The following KCNMA1 variants were observed in gnomAD, a reference collection of about 807,000 sequenced individuals.
KCNMA1 encodes the protein Calcium-activated potassium channel subunit alpha-1.
In KCNMA1, 29 loss-of-function variants were observed where a neutral mutation model predicts 140.0. That is an observed-to-expected ratio of 0.21 (90% CI 0.15 to 0.28). The LOEUF (loss-of-function observed/expected upper bound fraction) is 0.28, where lower values mean the gene tolerates loss of function less well. Among genes scored for constraint, KCNMA1 ranks in the 10% least tolerant of loss-of-function variants. KCNMA1 has a pLI of 1.00. For missense variants in KCNMA1, 880 were observed against 1,602.2 expected, an observed-to-expected ratio of 0.55 and a Z score of 7.70; for synonymous variants, 612 against 611.9, an observed-to-expected ratio of 1.00 and a Z score of 0.00.
intron 1 of KCNMA1, among the ~76,000 whole-genome samples, chr10:77,508,093 T>A (rs1267788494): frequency 6.6e-6 from 1 of 152,244 alleles, no homozygotes; most frequent in Admixed American, 6.5e-5. Context: ...TATGTATGCA[T>A]CTAAATGCAT....
chr10:77,521,253 T>C (rs2053290294), intron 1 of KCNMA1, among the ~76,000 whole-genome samples: 1 of 152,194 alleles, frequency 6.6e-6, no homozygotes, highest in South Asian at 2.1e-4. Context: ...CACCTTTGTG[T>C]CACCCTCATC....
At chr10:77,028,504 C>A (rs1056589269) in intron 15 of KCNMA1, among the ~76,000 whole-genome samples, 4 of 152,008 alleles carry the variant, frequency 2.6e-5, no homozygotes, top group African/African-American at 4.8e-5. Context: ...TTCCCTTGTG[C>A]GTTCCCCACT....
At chr10:77,100,585 G>A (rs374993044) in intron 9 of KCNMA1, among the ~76,000 whole-genome samples, 5 of 152,332 alleles carry the variant, frequency 3.3e-5, no homozygotes, top group South Asian at 4.1e-4. Flanking sequence ...GACTTGGCCA[G>A]TTAGAAAGTT....
intron 3 of KCNMA1, among the ~76,000 whole-genome samples, chr10:77,204,988 C>T (rs147568931): frequency 6.6e-6 from 1 of 152,144 alleles, no homozygotes; most frequent in African/African-American, 2.4e-5. Context: ...TCCAGCCCAT[C>T]ACGCTCCATG....
chr10:77,447,214 T>C (rs533670230), intron 1 of KCNMA1, among the ~76,000 whole-genome samples: 4 of 152,348 alleles, frequency 2.6e-5, no homozygotes, highest in African/African-American at 9.6e-5. Context: ...AGGGATCATC[T>C]CTGTTGGATA....
At chr10:76,953,383 C>A (rs1305739756) in intron 21 of KCNMA1, among the ~76,000 whole-genome samples, 1 of 152,198 alleles carries the variant, frequency 6.6e-6, no homozygotes, top group Non-Finnish European at 1.5e-5. Context: ...ATCTTCACTA[C>A]AGCCCTATGA....
At chr10:77,384,366 C>G (rs2095531283) in intron 2 of KCNMA1, among the ~76,000 whole-genome samples, 1 of 152,144 alleles carries the variant, frequency 6.6e-6, no homozygotes, top group Non-Finnish European at 1.5e-5. Context: ...GCCGTGGTTG[C>G]CATGGAAACC....
intron 25 of KCNMA1, among the ~76,000 whole-genome samples, chr10:76,894,573 A>G (rs1237804818): frequency 6.6e-6 from 1 of 152,236 alleles, no homozygotes; most frequent in Non-Finnish European, 1.5e-5. Context: ...ATGTTTGCAA[A>G]TCATATGTCT....
intron 1 of KCNMA1, among the ~76,000 whole-genome samples, chr10:77,514,488 C>A (rs994204212): frequency 6.6e-6 from 1 of 152,104 alleles, no homozygotes; most frequent in Non-Finnish European, 1.5e-5. Context: ...AACTCCACGC[C>A]TTAATAAAAA....
intron 2 of KCNMA1, among the ~76,000 whole-genome samples, chr10:77,346,846 T>C (rs1244601251): frequency 6.6e-6 from 1 of 152,198 alleles, no homozygotes; most frequent in Non-Finnish European, 1.5e-5. Flanking sequence ...TTCAAGAACA[T>C]TGTCCTCAAG....
intron 2 of KCNMA1, among the ~76,000 whole-genome samples, chr10:77,265,426 C>A (rs11812342): frequency 6.6e-6 from 1 of 152,038 alleles, no homozygotes; most frequent in Non-Finnish European, 1.5e-5. Flanking sequence ...AGAATTACTG[C>A]TTTTAACCTT....
At chr10:77,197,029 C>CA (rs565214747) in intron 3 of KCNMA1, among the ~76,000 whole-genome samples, 122 of 146,646 alleles carry the variant, frequency 8.3e-4, no homozygotes, top group East Asian at 2.2e-3. Context: ...AGCCCTAAGG[C>CA]AAAAAAAAAA....
intron 2 of KCNMA1, chr10:77,373,976 A>G (rs756301599): frequency 6.6e-6 from 1 of 152,252 alleles, no homozygotes; most frequent in African/African-American, 2.4e-5. Flanking sequence ...GTGGGTGGTT[A>G]TGGCTGTGGG....
intron 1 of KCNMA1, among the ~76,000 whole-genome samples, chr10:77,405,566 T>A (rs2096443979): frequency 2.0e-5 from 3 of 150,882 alleles, no homozygotes; most frequent in Non-Finnish European, 4.4e-5. Flanking sequence ...ATATTCCAAA[T>A]ACCACATGGG....
intron 2 of KCNMA1, among the ~76,000 whole-genome samples, chr10:77,338,452 C>A (rs937147300): frequency 3.3e-5 from 5 of 152,164 alleles, no homozygotes; most frequent in Admixed American, 6.5e-5. Flanking sequence ...CAGCTCTCAG[C>A]GAAAATCCTC....
At chr10:77,200,512 G>A (rs2042115094) in intron 3 of KCNMA1, among the ~76,000 whole-genome samples, 1 of 152,062 alleles carries the variant, frequency 6.6e-6, no homozygotes, top group Non-Finnish European at 1.5e-5. Flanking sequence ...TTAGGAAGAG[G>A]GGATTAGGTC....
chr10:77,082,553 G>C (rs1254059745), intron 12 of KCNMA1, among the ~76,000 whole-genome samples: 2 of 152,070 alleles, frequency 1.3e-5, no homozygotes, highest in East Asian at 1.9e-4. Flanking sequence ...AGTGAAGCCA[G>C]GTTCCTTAAA....
At chr10:76,947,196 G>C (rs1591594729) in intron 22 of KCNMA1, among the ~76,000 whole-genome samples, 1 of 147,862 alleles carries the variant, frequency 6.8e-6, no homozygotes, top group African/African-American at 2.5e-5. Context: ...AAGTAGCCAG[G>C]CATGGTGGTG....
chr10:77,282,226 G>A (rs1250909371), intron 2 of KCNMA1, among the ~76,000 whole-genome samples: 1 of 152,074 alleles, frequency 6.6e-6, no homozygotes, highest in African/African-American at 2.4e-5. Flanking sequence ...AATGTGTGGG[G>A]GCAGATTTGG....
Sources: gnomAD v4.1 joint callset for allele counts (sites outside exome capture counted in the v4.1 genomes callset) on GRCh38, gnomAD v4.1.1 for gene constraint, MANE v1.5 for transcripts, NCBI Gene and HGNC (gene_info 2026-07-23, HGNC 2026-07-21) for gene names.